Variants in GADL1 observed in about 807,000 individuals in gnomAD.
GADL1 encodes GAD like acidic amino acid decarboxylase 1.
In GADL1, 71 loss-of-function variants were observed where a neutral mutation model predicts 69.5. The ratio of observed to expected loss-of-function variants is 1.02; its 90% CI spans 0.84 to 1.25. GADL1 has a LOEUF of 1.25. GADL1 is among the 50% of genes most tolerant of loss of function. GADL1 has a pLI of 0.00. For missense variants in GADL1, 737 were observed against 631.8 expected (o/e 1.17, Z -1.79); for synonymous variants, 254 against 214.4 (o/e 1.18, Z -1.62).
chr3:30,777,511 C>G (rs1404388242), intron 14 of GADL1, among the ~76,000 whole-genome samples: 3 of 152,176 alleles, frequency 2.0e-5, no homozygotes, highest in Non-Finnish European at 4.4e-5. Flanking sequence ...TAGTGTTACT[C>G]ACGAGACTCC....
At chr3:30,798,794 A>G (rs564542805) in intron 12 of GADL1, 1 of 152,306 alleles carries the variant, frequency 6.6e-6, no homozygotes, top group Admixed American at 6.5e-5. Context: ...TCCTAGATAC[A>G]ATGGGGATAC....
intron 9 of GADL1, 118 bp from the exon 10 acceptor site, chr3:30,834,399 C>T: frequency 1.2e-6 from 1 of 802,076 alleles, no homozygotes; most frequent in Middle Eastern, 2.4e-4. Context: ...TATTTTATGT[C>T]ATGTTAACTA....
In GADL1 at chr3:30,775,532, TAAG is replaced by T. The variant is rs1023509764; in HGVS notation, c.1392+2644_1392+2646del. ...TTGCAGGGAGAGAATGATAGGAAAT[TAAG>T]AAACTCAGAACCAGTGATAATTTGT... is the stretch of plus-strand genomic sequence containing the variant. On this transcript the variant is annotated intron_variant, in intron 14 of 14. Transcript: ENST00000282538. Among the ~76,000 whole-genome samples, 16 of 152,188 alleles carry T rather than the reference TAAG, an allele frequency of 1.1e-4. No individual in the cohort carries two copies. In the South Asian group the frequency reaches 1.2e-3, roughly 12 times the overall value.
chr3:30,867,434 A>ATATATATATT (rs1698419592), intron 1 of GADL1, among the ~76,000 whole-genome samples: 1 of 145,222 alleles, frequency 6.9e-6, no homozygotes, highest in African/African-American at 2.6e-5. Context: ...ATATATATAT[A>ATATATATATT]TATATACACA....
chr3:30,778,481 T>C (rs1254207551), intron 13 of GADL1, among the ~76,000 whole-genome samples: 2 of 152,206 alleles, frequency 1.3e-5, no homozygotes, highest in African/African-American at 4.8e-5. Flanking sequence ...GCAGGTTCTC[T>C]TTCATCTTAA....
intron 14 of GADL1, among the ~76,000 whole-genome samples, chr3:30,731,959 T>C (rs1213037890): frequency 6.6e-6 from 1 of 152,202 alleles, no homozygotes; most frequent in African/African-American, 2.4e-5. Context: ...CTTTACAATT[T>C]GCAATGTCCT....
intron 11 of GADL1, among the ~76,000 whole-genome samples, chr3:30,803,001 A>C (rs1261495492): frequency 1.3e-5 from 2 of 152,150 alleles, no homozygotes; most frequent in Non-Finnish European, 2.9e-5. Flanking sequence ...CTGAAGTGGG[A>C]AGATCACTTG....
In GADL1 at chr3:30,873,098, A is replaced by G. The variant is rs74804046; in HGVS notation, c.38-11333T>C. Reference sequence around the variant, plus strand: ...TCCAGGGCAGTGCTGCCAAAAAGAAATATAATGCAAGCCACTGACACAAGC... The same window carrying G: ...TCCAGGGCAGTGCTGCCAAAAAGAAGTATAATGCAAGCCACTGACACAAGC... On this transcript the variant is annotated intron_variant, in intron 1 of 14. Transcript: ENST00000282538. 6.9e-3 allele frequency among the ~76,000 whole-genome samples: 1,055 copies of G among 152,062 alleles called. 4 individuals are homozygous for G. The highest frequency in any genetic ancestry group is 0.011 in the Non-Finnish European group (777 of 67,908).
At chr3:30,839,861 GT>G (rs5847667) in intron 8 of GADL1, among the ~76,000 whole-genome samples, 8,115 of 152,060 alleles carry the variant, frequency 0.053, 724 homozygotes, top group African/African-American at 0.19. Context: ...CAGATGAATG[GT>G]TATCTCGGTC....
At chr3:30,755,954 C>T (rs1373058870) in intron 14 of GADL1, among the ~76,000 whole-genome samples, 1 of 152,102 alleles carries the variant, frequency 6.6e-6, no homozygotes, top group Non-Finnish European at 1.5e-5. Flanking sequence ...CCACAAGCTG[C>T]CTCCTATATG....
intron 11 of GADL1, among the ~76,000 whole-genome samples, chr3:30,820,784 A>G (rs1697562644): frequency 6.6e-6 from 1 of 151,878 alleles, no homozygotes; most frequent in South Asian, 2.1e-4. Flanking sequence ...GGGATCTAGA[A>G]CTAGAAATAC....
intron 11 of GADL1, among the ~76,000 whole-genome samples, chr3:30,828,187 A>G (rs928474039): frequency 6.6e-6 from 1 of 151,872 alleles, no homozygotes; most frequent in African/African-American, 2.4e-5. Flanking sequence ...AGAAAAATGT[A>G]CTTTCTTTCC....
intron 11 of GADL1, among the ~76,000 whole-genome samples, chr3:30,805,012 CCAATGA>C (rs1387908100): frequency 6.6e-6 from 1 of 152,148 alleles, no homozygotes; most frequent in African/African-American, 2.4e-5. Flanking sequence ...TAAAGAGAAG[CCAATGA>C]CAAGCACAGA....
At chr3:30,811,938 A>G in intron 11 of GADL1, among the ~76,000 whole-genome samples, 1 of 152,230 alleles carries the variant, frequency 6.6e-6, no homozygotes, top group East Asian at 1.9e-4. Flanking sequence ...ATTGGAAACC[A>G]CTGTTCTGAT....
At chr3:30,756,950 G>A (rs1386647826) in intron 14 of GADL1, among the ~76,000 whole-genome samples, 1 of 152,186 alleles carries the variant, frequency 6.6e-6, no homozygotes, top group African/African-American at 2.4e-5. Flanking sequence ...GTCCATGGGG[G>A]GGACATGTCA....
chr3:30,737,093 A>G (rs1695550880), intron 14 of GADL1, among the ~76,000 whole-genome samples: 1 of 152,128 alleles, frequency 6.6e-6, no homozygotes, highest in African/African-American at 2.4e-5. Context: ...GAAAATACAA[A>G]TCACCTAGAT....
chr3:30,751,407 C>T (rs1430221960), intron 14 of GADL1, among the ~76,000 whole-genome samples: 1 of 151,814 alleles, frequency 6.6e-6, no homozygotes, highest in Non-Finnish European at 1.5e-5. Flanking sequence ...TCTTTCCTTA[C>T]TCCGTTCTTC....
chr3:30,825,122 G>C (rs749781159), intron 11 of GADL1, among the ~76,000 whole-genome samples: 4 of 151,904 alleles, frequency 2.6e-5, no homozygotes, highest in Admixed American at 6.6e-5. Flanking sequence ...GCACATGAGT[G>C]TGTACTTGTG....
At position 30,834,202 on chromosome 3, in the gene GADL1, G is replaced by A; in HGVS notation, c.968+15C>T. On this transcript the variant is annotated intron_variant, in intron 10 of 14. Coordinates refer to ENST00000282538, the MANE Select transcript of GADL1 (RefSeq NM_207359.3). The stretch of plus-strand genomic sequence containing the variant: ...CCTGACAAAAGTTGGCTGTACACCA[G>A]GAAACTACATTTACCTGTGGATGCC... 1.9e-6 allele frequency: 3 copies of A among 1,609,888 alleles called. No individual in the cohort carries two copies. Among genetic ancestry groups the A allele is most frequent in the Non-Finnish European group, 2.5e-6 (3 of 1,176,710 alleles).
Sources: gnomAD v4.1 joint callset for allele counts (sites outside exome capture counted in the v4.1 genomes callset) on GRCh38, gnomAD v4.1.1 for gene constraint, MANE v1.5 for transcripts, NCBI Gene and HGNC (gene_info 2026-07-23, HGNC 2026-07-21) for gene names.